Variants in POLD3 observed in about 807,000 individuals in gnomAD.
POLD3 encodes DNA polymerase delta 3, accessory subunit.
In POLD3, 19 loss-of-function variants were observed where a neutral mutation model predicts 58.2. The observed-to-expected ratio is 0.33, with a 90% CI of 0.23 to 0.48. POLD3 has a LOEUF of 0.48. Among genes scored for constraint, POLD3 ranks in the 20% least tolerant of loss-of-function variants. The pLI, the probability that POLD3 is intolerant of heterozygous loss-of-function variation, is 0.99. For synonymous variants in POLD3, 172 were observed against 193.5 expected, an observed-to-expected ratio of 0.89 and a Z score of 0.92; for missense variants, 504 against 545.5, an observed-to-expected ratio of 0.92 and a Z score of 0.76.
rs2032918796 is a variant in POLD3 at position 74,641,700 on chromosome 11, T to G, written c.*934T>G. On this transcript the variant is annotated 3_prime_UTR_variant, in exon 12 of 12. Coordinates refer to ENST00000263681, the MANE Select transcript of POLD3 (RefSeq NM_006591.3). The stretch of plus-strand genomic sequence containing the variant: ...TGCTACATTTACAAAAAATTTCTCC[T>G]TAAGAAAACAGAATATTCAAAAACA... 2 of 985,294 alleles carry G rather than the reference T, an allele frequency of 2.0e-6. No individual in the cohort carries two copies. The highest frequency in any genetic ancestry group is 2.4e-6 in the Non-Finnish European group (2 of 829,832). 61.0% of individuals were successfully genotyped at this position (985,294 alleles called of 1,614,324 possible).
chr11:74,624,578 G>A (rs2032374272), intron 7 of POLD3, among the ~76,000 whole-genome samples: 1 of 152,198 alleles, frequency 6.6e-6, no homozygotes, highest in Non-Finnish European at 1.5e-5. Flanking sequence ...CTTTCTAATA[G>A]TATTTTGTGC....
intron 7 of POLD3, among the ~76,000 whole-genome samples, chr11:74,620,923 A>C: frequency 8.5e-6 from 1 of 117,926 alleles, no homozygotes; most frequent in Non-Finnish European, 1.7e-5. Context: ...GATTGAAGTG[A>C]CTTTTTTTTT....
intron 2 of POLD3, among the ~76,000 whole-genome samples, chr11:74,598,134 C>T (rs1189966946): frequency 6.6e-6 from 1 of 152,074 alleles, no homozygotes; most frequent in East Asian, 1.9e-4. Context: ...GCTTTAGTTC[C>T]TACAGTAAGA....
Position 74,642,417 on chromosome 11 carries a change from T to C in POLD3, c.*1651T>C. Reference sequence around the variant, plus strand: ...AATCCCTTTTAAACAGTTACTTTTGTCATTGCCTCTGGTCATTTGTCTAAA... The same window carrying C: ...AATCCCTTTTAAACAGTTACTTTTGCCATTGCCTCTGGTCATTTGTCTAAA... On this transcript the variant is annotated 3_prime_UTR_variant, in exon 12 of 12. Coordinates refer to ENST00000263681, the MANE Select transcript of POLD3 (RefSeq NM_006591.3). 1.0e-6 allele frequency: 1 copy of C among 985,206 alleles called. No homozygotes were observed. 61.0% of individuals were successfully genotyped at this position (985,206 alleles called of 1,614,324 possible).
chr11:74,635,145 C>T (rs2032711054), intron 10 of POLD3, among the ~76,000 whole-genome samples: 1 of 152,098 alleles, frequency 6.6e-6, no homozygotes, highest in Admixed American at 6.5e-5. Context: ...TTTGAACGCT[C>T]TTCAGCTGCA....
intron 2 of POLD3, among the ~76,000 whole-genome samples, chr11:74,597,200 A>G (rs1810328888): frequency 6.6e-6 from 1 of 152,212 alleles, no homozygotes; most frequent in Non-Finnish European, 1.5e-5. Context: ...GTATTAATTT[A>G]CATTCCCACC....
At chr11:74,668,684 G>T in intron 4 of POLD3, 1 of 885,082 alleles carries the variant, frequency 1.1e-6, no homozygotes, top group Non-Finnish European at 1.6e-6. Context: ...AAAGAGGCCC[G>T]GAGTAGCTAG....
At chr11:74,595,708 C>T (rs1376651592) in intron 2 of POLD3, among the ~76,000 whole-genome samples, 1 of 152,138 alleles carries the variant, frequency 6.6e-6, no homozygotes, top group Non-Finnish European at 1.5e-5. Context: ...CCTTGACTTC[C>T]CTGGGCTCAG....
chr11:74,636,388 TG>T, intron 11 of POLD3, 113 bp downstream of exon 11: 1 of 1,027,138 alleles, frequency 9.7e-7, no homozygotes, highest in South Asian at 1.5e-5. Context: ...ATGTGAATCA[TG>T]CCCAAGTGGT....
At chr11:74,639,250 A>C (rs2032841949) in intron 11 of POLD3, among the ~76,000 whole-genome samples, 2 of 152,204 alleles carry the variant, frequency 1.3e-5, no homozygotes, top group African/African-American at 4.8e-5. Context: ...CAAGCCCTCC[A>C]GGTGGTTCTG....
chr11:74,664,933 C>G (rs2033248082), intron 4 of POLD3, among the ~76,000 whole-genome samples: 1 of 150,612 alleles, frequency 6.6e-6, no homozygotes, highest in South Asian at 2.1e-4. Context: ...AACTCTGTCT[C>G]TACTAAAAAT....
intron 5 of POLD3, among the ~76,000 whole-genome samples, chr11:74,617,846 G>A (rs965327921): frequency 1.3e-5 from 2 of 152,142 alleles, no homozygotes; most frequent in African/African-American, 4.8e-5. Context: ...AGCCTCCTGA[G>A]TAATCAGGGC....
At chr11:74,663,167 G>A (rs1848008890) in intron 4 of POLD3, among the ~76,000 whole-genome samples, 1 of 152,204 alleles carries the variant, frequency 6.6e-6, no homozygotes, top group Non-Finnish European at 1.5e-5. Flanking sequence ...CCTGTGGGGA[G>A]GATGATCACT....
At position 74,614,181 on chromosome 11, in the gene POLD3, C is replaced by A. The variant is rs192219404; in HGVS notation, c.392+1171C>A. On this transcript the variant is annotated intron_variant, in intron 5 of 11. Transcript: ENST00000263681. ...AAAAATTTAGACTCTATTCTGAGAG[C>A]GCTGGGGAGCCACTGAAAATATTTA... is the stretch of plus-strand genomic sequence containing the variant. Among the ~76,000 whole-genome samples, 299 of 152,248 alleles carry A rather than the reference C, an allele frequency of 2.0e-3. 1 individual carries two copies. The highest frequency in any genetic ancestry group is 7.1e-3 in the African/African-American group (293 of 41,530).
chr11:74,630,093 A>G (rs754863919), intron 9 of POLD3, among the ~76,000 whole-genome samples: 4 of 152,180 alleles, frequency 2.6e-5, no homozygotes, highest in Non-Finnish European at 1.5e-5. Flanking sequence ...ATCTAGTCCA[A>G]AGGATTTCAG....
intron 4 of POLD3, among the ~76,000 whole-genome samples, chr11:74,653,380 A>G (rs2033092712): frequency 6.6e-6 from 1 of 152,228 alleles, no homozygotes; most frequent in Non-Finnish European, 1.5e-5. Context: ...TGACAAAACT[A>G]GCACAAAGGA....
intron 7 of POLD3, among the ~76,000 whole-genome samples, chr11:74,620,329 C>T (rs933401753): frequency 2.6e-5 from 4 of 152,110 alleles, no homozygotes; most frequent in Admixed American, 6.5e-5. Context: ...GTTTAACTTC[C>T]TGCCTTGAAA....
rs200857528 is a variant in POLD3 at position 74,596,096 on chromosome 11, AC to A, written c.116+1982del. Among the ~76,000 whole-genome samples the A allele has an allele frequency of 6.4e-3, 909 of 143,096 alleles. 25 individuals are homozygous for A. The highest frequency in any genetic ancestry group is 0.043 in the East Asian group (215 of 4,956). 93.9% of individuals were successfully genotyped at this position (143,096 alleles called of 152,430 possible). A position where few individuals can be genotyped will look rare whatever the true frequency, so the allele number is the denominator to read the frequency against. On this transcript the variant is annotated intron_variant, in intron 2 of 11. Coordinates refer to ENST00000263681, the MANE Select transcript of POLD3 (RefSeq NM_006591.3). ...TGCCCAGGCTGGTCTCAAACTCCTG[AC>A]CTCAAGTGATCCTCCCACCTTGGCC...
At chr11:74,648,974 C>A (rs1335895213) in intron 4 of POLD3, among the ~76,000 whole-genome samples, 1 of 152,178 alleles carries the variant, frequency 6.6e-6, no homozygotes, top group Non-Finnish European at 1.5e-5. Flanking sequence ...GGAGTGACTT[C>A]AAATGTGGAA....
Sources: allele counts gnomAD v4.1 joint callset (sites outside exome capture counted in the v4.1 genomes callset), GRCh38; gene constraint gnomAD v4.1.1; transcripts MANE v1.5; gene names NCBI Gene and HGNC (gene_info 2026-07-23, HGNC 2026-07-21).